Variants in SPARC observed in about 807,000 individuals in gnomAD.
The protein encoded by SPARC is secreted protein acidic and cysteine rich.
In SPARC, 23 loss-of-function variants were observed where a neutral mutation model predicts 37.7. The observed-to-expected ratio is 0.61, with a 90% CI of 0.44 to 0.87. SPARC has a LOEUF of 0.87. SPARC is among the 40% of genes least tolerant of loss of function. The pLI, the probability that SPARC is intolerant of heterozygous loss-of-function variation, is 0.00. For missense variants in SPARC, 312 were observed against 389.0 expected (o/e 0.80, Z 1.66); for synonymous variants, 155 against 150.8 (o/e 1.03, Z -0.20).
At chr5:151,676,279 G>T in intron 1 of SPARC, 78 bp from the exon 2 acceptor site, 1 of 975,772 alleles carries the variant, frequency 1.0e-6, no homozygotes, top group Non-Finnish European at 1.6e-6. Context: ...CCTGATATGT[G>T]CAAGATAATG....
chr5:151,679,981 G>C (rs1760947870), intron 1 of SPARC, among the ~76,000 whole-genome samples: 1 of 152,160 alleles, frequency 6.6e-6, no homozygotes, highest in Non-Finnish European at 1.5e-5. Flanking sequence ...GACTTCCCAA[G>C]ATGATGAACA....
intron 2 of SPARC, 59 bp from the exon 3 acceptor site, chr5:151,674,733 A>T (rs1367133139): frequency 1.9e-6 from 3 of 1,557,478 alleles, no homozygotes; most frequent in Non-Finnish European, 2.7e-6. Flanking sequence ...CTTCACCTCC[A>T]AAGTGCCTGT....
chr5:151,661,290 G>A lies in SPARC; in HGVS notation c.*2281C>T, dbSNP rs1760495145. On this transcript the variant is annotated 3_prime_UTR_variant, in exon 10 of 10. Coordinates refer to ENST00000231061, the MANE Select transcript of SPARC (RefSeq NM_003118.4). ...TGAATGTCGCCGAATGACTGAATGAGCCAATGCTGAAATTTACTTCAATTC... is the reference window on the plus strand; with the variant it reads ...TGAATGTCGCCGAATGACTGAATGAACCAATGCTGAAATTTACTTCAATTC... 1 of 152,192 alleles carries A rather than the reference G, an allele frequency of 6.6e-6. No homozygotes were observed. Among genetic ancestry groups the A allele is most frequent in the African/African-American group, 2.4e-5 (1 of 41,442 alleles). 9.4% of individuals were successfully genotyped at this position (152,192 alleles called of 1,614,324 possible). A position where few individuals can be genotyped will look rare whatever the true frequency, so the allele number is the denominator to read the frequency against.
Position 151,674,600 on chromosome 5 carries a change from C to T in SPARC, c.120+12G>A. 1 of 1,613,836 alleles carries T rather than the reference C, an allele frequency of 6.2e-7. No homozygotes were observed. The highest frequency in any genetic ancestry group is 8.5e-7 in the Non-Finnish European group (1 of 1,179,718). The stretch of plus-strand genomic sequence containing the variant: ...GAGAGGGGCTAAGGGGCTGCGGTCA[C>T]TGCCCACATACCTCAGTCACCTCTG... On this transcript the variant is annotated intron_variant, in intron 3 of 9. Transcript: ENST00000231061.
At position 151,663,596 on chromosome 5, in the gene SPARC, T is replaced by C. The variant is rs1760560827; in HGVS notation, c.887A>G (p.Asp296Gly). The change falls in exon 10 of 10, where the codon GAT (aspartate) becomes GGT (glycine). Residue 296 changes from aspartate to glycine, a missense_variant. Asp to Gly is a moderately conservative substitution (Grantham distance 94, BLOSUM62 -1). Transcript: ENST00000231061. ...TTAGATCACAAGATCCTTGTCGATA[T>C]CCTCTGCAAAGCAAGAAAAGAGCAC... ...WAGCFGIKQKDIDKDLVI is the reference protein window; with the variant it reads ...WAGCFGIKQKGIDKDLVI 5.0e-6 allele frequency: 8 copies of C among 1,613,914 alleles called. No homozygotes were observed. The highest frequency in any genetic ancestry group is 5.9e-6 in the Non-Finnish European group (7 of 1,179,946).
rs527273784 is a variant in SPARC, at chr5:151,669,229, C to T, written c.451+435G>A. On this transcript the variant is annotated intron_variant, in intron 6 of 9. Transcript: ENST00000231061. ...CCAAGTAACAGGGCCCAAAGCAAACCGACAGGCATGCCCTTATTTTAAAGC... is the reference window on the plus strand; with the variant it reads ...CCAAGTAACAGGGCCCAAAGCAAACTGACAGGCATGCCCTTATTTTAAAGC... Among the ~76,000 whole-genome samples the T allele has an allele frequency of 1.1e-3, 170 of 152,276 alleles. 2 individuals carry two copies. The highest frequency in any genetic ancestry group is 3.9e-3 in the African/African-American group (161 of 41,548).
chr5:151,667,727 C>A (rs548162699), intron 6 of SPARC, 127 bp from the exon 7 acceptor site: 180 of 1,008,790 alleles, frequency 1.8e-4, no homozygotes, highest in Non-Finnish European at 2.4e-4. Flanking sequence ...CCTCTCCAGG[C>A]CACAGTTTCT....
chr5:151,680,173 C>T (rs149858257), intron 1 of SPARC, among the ~76,000 whole-genome samples: 2 of 149,648 alleles, frequency 1.3e-5, no homozygotes, highest in East Asian at 1.9e-4. Context: ...TTACTTAACC[C>T]ATACCTTGTT....
chr5:151,667,449 G>T lies in SPARC; in HGVS notation c.585+18C>A, dbSNP rs746070926. 7.4e-6 allele frequency: 12 copies of T among 1,613,920 alleles called. No individual in the cohort carries two copies. The Middle Eastern group carries it at 8.2e-4, about 111-fold the overall frequency. On this transcript the variant is annotated intron_variant, in intron 7 of 9. Transcript: ENST00000231061. ...TCTTCACCAGCACGGGGCCAGCAAG[G>T]CCAGAGAGACCACTTACCCGCAGCT...
intron 1 of SPARC, among the ~76,000 whole-genome samples, chr5:151,683,170 G>A (rs997893155): frequency 6.6e-6 from 1 of 152,212 alleles, no homozygotes; most frequent in Non-Finnish European, 1.5e-5. Flanking sequence ...AAAGCTCAAG[G>A]CTGGTTTTCC....
chr5:151,674,503 G>A (rs2113102782), intron 3 of SPARC, 109 bp downstream of exon 3: 2 of 942,328 alleles, frequency 2.1e-6, no homozygotes, highest in Non-Finnish European at 1.7e-6. Flanking sequence ...TGTGTACAGG[G>A]AGACGAATGC....
chr5:151,663,566 T>C lies in SPARC; in HGVS notation c.*5A>G, dbSNP rs760934911. ...AGAGAATCCGGTACTGTGGAAGGAG[T>C]GGATTTAGATCACAAGATCCTTGTC... On this transcript the variant is annotated 3_prime_UTR_variant, in exon 10 of 10. Transcript: ENST00000231061. The C allele has an allele frequency of 1.2e-6, 2 of 1,613,238 alleles. No homozygotes were observed. The highest frequency in any genetic ancestry group is 1.7e-5 in the Admixed American group (1 of 59,984).
intron 1 of SPARC, among the ~76,000 whole-genome samples, chr5:151,683,663 T>G (rs1271346845): frequency 6.6e-6 from 1 of 152,198 alleles, no homozygotes; most frequent in African/African-American, 2.4e-5. Flanking sequence ...GGTGTGTGTT[T>G]GTATACCTGA....
rs1353243933 is a variant in SPARC at position 151,664,122 on chromosome 5, A to C, written c.848T>G (p.Leu283Arg). Residue 283 changes from leucine to arginine, a missense_variant, in exon 9 of 10, where the codon CTG (leucine) becomes CGG (arginine). Leu to Arg is a moderately radical substitution (Grantham distance 102). Transcript: ENST00000231061. Reference protein sequence around the residue: ...CDLDNDKYIALDEWAGCFGIK... With the variant: ...CDLDNDKYIARDEWAGCFGIK... Reference sequence around the variant, plus strand: ...GCCGAAGCAGCCGGCCCACTCATCCAGGGCGATGTACTTGTCATTGTCCAG... The same window carrying C: ...GCCGAAGCAGCCGGCCCACTCATCCCGGGCGATGTACTTGTCATTGTCCAG... 1.9e-6 allele frequency: 3 copies of C among 1,614,066 alleles called. No homozygotes were observed. The East Asian group carries it at 6.7e-5, about 36-fold the overall frequency.
rs1760571563 is a variant in SPARC, at chr5:151,664,083, T to C, written c.883+4A>G. 5 of 1,614,080 alleles carry C rather than the reference T, an allele frequency of 3.1e-6. 1 individual carries two copies. The East Asian group carries it at 1.1e-4, about 36-fold the overall frequency. ...GCCCCTTGCTTCTTTGTTCAGACACTCACTCTGCTTGATGCCGAAGCAGCC... is the reference window on the plus strand; with the variant it reads ...GCCCCTTGCTTCTTTGTTCAGACACCCACTCTGCTTGATGCCGAAGCAGCC... On this transcript the variant is annotated splice_donor_region_variant and intron_variant, in intron 9 of 9. Transcript: ENST00000231061.
At chr5:151,671,783 C>T (rs1160149325) in intron 4 of SPARC, 89 bp from the exon 5 acceptor site, 11 of 1,555,506 alleles carry the variant, frequency 7.1e-6, no homozygotes, top group Non-Finnish European at 9.6e-6. Flanking sequence ...GGCTGACAGT[C>T]CTTGACTGTG....
At chr5:151,667,373 A>G in intron 7 of SPARC, 94 bp downstream of exon 7, 2 of 1,446,362 alleles carry the variant, frequency 1.4e-6, no homozygotes, top group Non-Finnish European at 1.9e-6. Flanking sequence ...CACGCTCCGG[A>G]GCAGGATGCC....
intron 8 of SPARC, among the ~76,000 whole-genome samples, chr5:151,666,140 T>G (rs964215122): frequency 2.0e-5 from 3 of 152,234 alleles, no homozygotes; most frequent in Non-Finnish European, 4.4e-5. Flanking sequence ...GGAGCTATTT[T>G]GAGCTCCTAC....
chr5:151,673,293 G>A, intron 3 of SPARC, 77 bp from the exon 4 acceptor site: 2 of 1,007,388 alleles, frequency 2.0e-6, no homozygotes, highest in South Asian at 2.5e-5. Flanking sequence ...AAGGGTTCCA[G>A]GTCACAGAAA....
Sources: allele counts gnomAD v4.1 joint callset (sites outside exome capture counted in the v4.1 genomes callset), GRCh38; gene constraint gnomAD v4.1.1; transcripts MANE v1.5; gene names NCBI Gene and HGNC (gene_info 2026-07-23, HGNC 2026-07-21).